The following SIRT1 variants were observed in gnomAD, a reference collection of about 807,000 sequenced individuals.
SIRT1 encodes the protein NAD-dependent protein deacetylase sirtuin-1.
In SIRT1, 24 loss-of-function variants were observed where a neutral mutation model predicts 67.9. That is an observed-to-expected ratio of 0.35 (90% CI 0.26 to 0.50). The LOEUF (loss-of-function observed/expected upper bound fraction) is 0.50, where lower values mean the gene tolerates loss of function less well. Ranked by LOEUF, SIRT1 falls within the 20% of genes least tolerant of loss-of-function variation. The pLI is 0.98. For synonymous variants in SIRT1, 378 were observed against 350.7 expected (o/e 1.08, Z -0.87); for missense variants, 873 against 937.2 (o/e 0.93, Z 0.89).
intron 2 of SIRT1, 74 bp from the exon 3 acceptor site, chr10:67,888,808 C>T (rs1842526028): frequency 4.0e-6 from 6 of 1,504,706 alleles, no homozygotes; most frequent in Non-Finnish European, 5.4e-6. Context: ...AATGCTAACT[C>T]ATTACTTCAG....
chr10:67,912,445 TC>T (rs1338167301), intron 7 of SIRT1, 28 bp from the exon 8 acceptor site: 8 of 1,549,506 alleles, frequency 5.2e-6, no homozygotes, highest in Non-Finnish European at 7.0e-6. Context: ...CCTCCCTTTT[TC>T]TAACTCTTAT....
intron 4 of SIRT1, 106 bp downstream of exon 4, chr10:67,891,660 T>C: frequency 9.0e-7 from 1 of 1,110,006 alleles, no homozygotes; most frequent in Non-Finnish European, 1.3e-6. Flanking sequence ...GTAAAGTGAA[T>C]GCTGCTACTG....
chr10:67,915,099 T>A (rs1251911493), intron 8 of SIRT1, among the ~76,000 whole-genome samples: 1 of 151,990 alleles, frequency 6.6e-6, no homozygotes, highest in Admixed American at 6.6e-5. Flanking sequence ...TTCACAGTGA[T>A]TTGTAGTGGA....
In SIRT1 at chr10:67,903,936, G is replaced by A. The variant is rs188676702; in HGVS notation, c.943-2854G>A. Among the ~76,000 whole-genome samples, 352 of 152,052 alleles carry A rather than the reference G, an allele frequency of 2.3e-3. 3 individuals carry two copies. The highest frequency in any genetic ancestry group is 6.8e-3 in the Middle Eastern group (2 of 292). On this transcript the variant is annotated intron_variant, in intron 4 of 8. Transcript: ENST00000212015. ...TTAGGATATTCAAACTGGGTGGCCT[G>A]TCTTGTTTGGAATAGGACTAAGCAT...
chr10:67,911,653 A>G (rs1171378966), intron 7 of SIRT1, among the ~76,000 whole-genome samples: 1 of 101,528 alleles, frequency 9.8e-6, no homozygotes, highest in East Asian at 3.5e-4. Context: ...CCTTCCTTCC[A>G]TTCATCCTTC....
intron 4 of SIRT1, among the ~76,000 whole-genome samples, chr10:67,895,952 G>A (rs997556100): frequency 1.1e-4 from 17 of 151,896 alleles, no homozygotes; most frequent in Non-Finnish European, 2.4e-4. Flanking sequence ...ATGTTGGTCA[G>A]GCTGGTCTCG....
chr10:67,885,241 T>A, intron 1 of SIRT1, 90 bp downstream of exon 1: 1 of 1,257,724 alleles, frequency 8.0e-7, no homozygotes. Context: ...GGCTGGGGGC[T>A]CGGGGCAGGC....
intron 8 of SIRT1, among the ~76,000 whole-genome samples, chr10:67,915,901 G>A (rs1357664625): frequency 6.6e-6 from 1 of 152,112 alleles, no homozygotes; most frequent in African/African-American, 2.4e-5. Flanking sequence ...TTCTAGATGA[G>A]GAAATTGAGG....
At chr10:67,913,101 T>C in intron 8 of SIRT1, 70 bp downstream of exon 8, 1 of 1,479,646 alleles carries the variant, frequency 6.8e-7, no homozygotes, top group Non-Finnish European at 9.1e-7. Flanking sequence ...ATTAGCTATT[T>C]CGGCAGGTTA....
chr10:67,885,369 T>A (rs984839755), intron 1 of SIRT1: 24 of 1,232,932 alleles, frequency 1.9e-5, no homozygotes, highest in Non-Finnish European at 2.2e-5. Flanking sequence ...GTGGCCCGCC[T>A]GGGCGGCCTT....
intron 2 of SIRT1, among the ~76,000 whole-genome samples, chr10:67,887,804 G>A (rs1024340351): frequency 1.1e-4 from 17 of 152,086 alleles, no homozygotes; most frequent in Admixed American, 9.2e-4. Context: ...TTGAACTCCC[G>A]ACCTCAGGTG....
chr10:67,900,733 CA>C (rs745459829), intron 4 of SIRT1, among the ~76,000 whole-genome samples: 1 of 152,162 alleles, frequency 6.6e-6, no homozygotes, highest in South Asian at 2.1e-4. Context: ...CGTTAACTAT[CA>C]GGTTAGGCCT....
chr10:67,916,294 C>T lies in SIRT1; in HGVS notation c.1945C>T (p.Arg649Cys), dbSNP rs1246391112. 2 of 1,599,118 alleles carry T rather than the reference C, an allele frequency of 1.3e-6. No individual in the cohort carries two copies. The highest frequency in any genetic ancestry group is 2.2e-5 in the East Asian group (1 of 44,466). The change falls in exon 9 of 9, where the codon CGT (arginine) becomes TGT (cysteine). Residue 649 changes from arginine to cysteine, a missense_variant. Physicochemically the swap from Arg to Cys is radical, Grantham distance 180. Around this residue, in one of 3 missense-constraint regions of SIRT1, gnomAD observed 295 missense variants for 294.5 expected, o/e 1.00. Transcript: ENST00000212015. ...TCAGTATCTGTTTTTGCCACCAAAT[C>T]GTTACATTTTCCATGGCGCTGAGGT... ...GNQYLFLPPN[R>C]YIFHGAEVYS...
intron 1 of SIRT1, 65 bp downstream of exon 1, chr10:67,885,216 CCTGAGGTTGAGGGCGG>C: frequency 4.7e-6 from 6 of 1,275,344 alleles, no homozygotes; most frequent in Non-Finnish European, 5.0e-6. Context: ...CTCCTACTGG[CCTGAGGTTGAGGGCGG>C]CTGGGGGCTC....
chr10:67,887,945 T>C (rs1301129438), intron 2 of SIRT1, among the ~76,000 whole-genome samples: 1 of 152,262 alleles, frequency 6.6e-6, no homozygotes, highest in Non-Finnish European at 1.5e-5. Flanking sequence ...TTCATATTCC[T>C]TGTTTTTTCA....
At chr10:67,887,679 C>A (rs1050787181) in intron 2 of SIRT1, 146 bp downstream of exon 2, 7 of 528,384 alleles carry the variant, frequency 1.3e-5, no homozygotes, top group Non-Finnish European at 2.1e-5. Context: ...CAGGTTCAAG[C>A]GATTCTCCTG....
At chr10:67,889,918 T>G (rs965948868) in intron 3 of SIRT1, among the ~76,000 whole-genome samples, 1 of 152,216 alleles carries the variant, frequency 6.6e-6, no homozygotes, top group South Asian at 2.1e-4. Flanking sequence ...TGTCAGGATT[T>G]TTTTGTACGA....
At position 67,885,442 on chromosome 10, in the gene SIRT1, C is replaced by T. The variant is rs559773796; in HGVS notation, c.430+291C>T. 4.5e-5 allele frequency: 53 copies of T among 1,187,644 alleles called. No individual in the cohort carries two copies. In the African/African-American group the frequency reaches 4.7e-4, roughly 11 times the overall value. The allele number at this position is 1,187,644 out of a possible 1,614,324, so 73.6% of individuals were successfully genotyped here. A position where few individuals can be genotyped will look rare whatever the true frequency, so the allele number is the denominator to read the frequency against. ...GTCGCTTTAAAATAAGTTTCTCTCC[C>T]CCTCTTACTCTTTTAGCATATTGCT... On this transcript the variant is annotated intron_variant, in intron 1 of 8. Transcript: ENST00000212015.
intron 4 of SIRT1, among the ~76,000 whole-genome samples, chr10:67,898,078 G>A (rs1842686599): frequency 6.7e-6 from 1 of 149,352 alleles, no homozygotes. Flanking sequence ...TGACCAACAT[G>A]GTGAAACCCT....
Sources: allele counts gnomAD v4.1 joint callset (sites outside exome capture counted in the v4.1 genomes callset), GRCh38; gene constraint gnomAD v4.1.1; regional missense constraint gnomAD v4.1.1; transcripts MANE v1.5; gene names NCBI Gene and HGNC (gene_info 2026-07-23, HGNC 2026-07-21).